Variants in FRAS1 observed in about 807,000 individuals in gnomAD.
FRAS1 encodes the protein Fraser extracellular matrix complex subunit 1, also known as extracellular matrix organizing protein FRAS1.
In FRAS1, 290 loss-of-function variants were observed where a neutral mutation model predicts 435.2. The ratio of observed to expected loss-of-function variants is 0.67; its 90% CI spans 0.61 to 0.73. The LOEUF (loss-of-function observed/expected upper bound fraction) is 0.73, where lower values mean the gene tolerates loss of function less well. Among genes scored for constraint, FRAS1 ranks in the 30% least tolerant of loss-of-function variants. The pLI is 0.00. For missense variants in FRAS1, 4,860 were observed against 5,001.5 expected, an observed-to-expected ratio of 0.97 and a Z score of 0.85; for synonymous variants, 1,800 against 1,851.0, an observed-to-expected ratio of 0.97 and a Z score of 0.71.
At chr4:78,170,207 T>C (rs1321168502) in intron 2 of FRAS1, among the ~76,000 whole-genome samples, 1 of 152,164 alleles carries the variant, frequency 6.6e-6, no homozygotes, top group Non-Finnish European at 1.5e-5. Flanking sequence ...CATACCCTTA[T>C]TTGTACGTTT....
intron 37 of FRAS1, among the ~76,000 whole-genome samples, 179 bp downstream of exon 37, chr4:78,430,596 A>T (rs903440409): frequency 1.3e-5 from 2 of 152,112 alleles, no homozygotes; most frequent in Admixed American, 1.3e-4. Flanking sequence ...TCCCACTTCC[A>T]TCCCTGCCCC....
At chr4:78,280,197 A>C (rs1405874859) in intron 10 of FRAS1, among the ~76,000 whole-genome samples, 1 of 152,184 alleles carries the variant, frequency 6.6e-6, no homozygotes, top group Non-Finnish European at 1.5e-5. Context: ...TGGCATATTC[A>C]AGTTGCCAGC....
chr4:78,068,464 T>C (rs1196537620), intron 2 of FRAS1: 1 of 454,636 alleles, frequency 2.2e-6, no homozygotes, highest in Non-Finnish European at 4.4e-6. Context: ...TTTGAGGCAG[T>C]GCATGGAGGA....
At chr4:78,538,677 G>A (rs538885088) in intron 72 of FRAS1, among the ~76,000 whole-genome samples, 7 of 152,252 alleles carry the variant, frequency 4.6e-5, no homozygotes, top group Admixed American at 2.0e-4. Context: ...TCAGAGGTCC[G>A]GGCGCGGTGG....
chr4:78,185,035 T>C lies in FRAS1; in HGVS notation c.109-52475T>C, dbSNP rs957205959. On this transcript the variant is annotated intron_variant, in intron 2 of 73. Coordinates refer to ENST00000512123, the MANE Select transcript of FRAS1 (RefSeq NM_025074.7). ...CCTAGTAAGTGGTGCCCTTGGGTCA[T>C]AGGCCTAGTAAGTGGTGCCCTGGCA... Among the ~76,000 whole-genome samples, 4 of 152,196 alleles carry C rather than the reference T, an allele frequency of 2.6e-5. No individual in the cohort carries two copies. In the East Asian group the frequency reaches 7.7e-4, roughly 29 times the overall value.
At chr4:78,175,083 C>A (rs1268143181) in intron 2 of FRAS1, among the ~76,000 whole-genome samples, 1 of 152,180 alleles carries the variant, frequency 6.6e-6, no homozygotes, top group Non-Finnish European at 1.5e-5. Context: ...CTACTTCCTG[C>A]AAATGCAGGC....
intron 14 of FRAS1, among the ~76,000 whole-genome samples, chr4:78,299,630 T>G (rs994156790): frequency 6.6e-6 from 1 of 152,200 alleles, no homozygotes; most frequent in Non-Finnish European, 1.5e-5. Flanking sequence ...CCCCTACAGA[T>G]GTCTTGAGTT....
Position 78,400,853 on chromosome 4 carries a change from C to T in FRAS1, c.4095C>T (p.Ile1365=), listed in dbSNP as rs79869130. 917 of 1,613,694 alleles carry T rather than the reference C, an allele frequency of 5.7e-4. 4 individuals carry two copies. The highest frequency in any genetic ancestry group is 6.3e-4 in the Non-Finnish European group (742 of 1,179,748). ...CTCCTGGTGCCAGTGCTGAAGAAAT[C>T]ATCTACAAGATTACACAAGACTACC... is the stretch of plus-strand genomic sequence containing the variant. The part of the protein sequence containing the change: ...AEAPGASAEE[I]IYKITQDYPQ... The change falls in exon 30 of 74, where the codon ATC becomes ATT. Residue 1365 remains isoleucine (I), a synonymous_variant. Transcript: ENST00000512123.
At chr4:78,479,058 A>G (rs1406090188) in intron 55 of FRAS1, among the ~76,000 whole-genome samples, 3 of 152,238 alleles carry the variant, frequency 2.0e-5, no homozygotes, top group African/African-American at 4.8e-5. Flanking sequence ...AAAGTACCAA[A>G]TATGTGTCAT....
At chr4:78,509,053 T>C (rs1275187588) in intron 63 of FRAS1, 47 bp downstream of exon 63, 2 of 1,586,428 alleles carry the variant, frequency 1.3e-6, no homozygotes, top group Non-Finnish European at 1.7e-6. Flanking sequence ...GGGAGAGAAC[T>C]GGTGTTGTTC....
intron 22 of FRAS1, among the ~76,000 whole-genome samples, chr4:78,365,880 G>A (rs1481084230): frequency 1.3e-5 from 2 of 151,452 alleles, no homozygotes; most frequent in African/African-American, 4.9e-5. Flanking sequence ...CAGGTGAATC[G>A]CTTGAACCTG....
At chr4:78,282,334 C>CT (rs1727368482) in intron 11 of FRAS1, among the ~76,000 whole-genome samples, 1 of 152,154 alleles carries the variant, frequency 6.6e-6, no homozygotes, top group African/African-American at 2.4e-5. Flanking sequence ...CTGCAAAAGT[C>CT]TTAATTTTTA....
At chr4:78,418,247 A>T (rs760687025) in intron 32 of FRAS1, among the ~76,000 whole-genome samples, 15 of 152,232 alleles carry the variant, frequency 9.9e-5, no homozygotes, top group Admixed American at 7.9e-4. Context: ...TGGCTATTGT[A>T]TGTGCTTTAA....
At chr4:78,335,083 G>T (rs974803277) in intron 19 of FRAS1, among the ~76,000 whole-genome samples, 1 of 152,128 alleles carries the variant, frequency 6.6e-6, no homozygotes, top group African/African-American at 2.4e-5. Flanking sequence ...CATAAGAAAT[G>T]AAATTTGGCA....
chr4:78,177,820 A>G (rs1323577669), intron 2 of FRAS1, among the ~76,000 whole-genome samples: 2 of 152,032 alleles, frequency 1.3e-5, no homozygotes, highest in South Asian at 2.1e-4. Context: ...ACTGTGTATT[A>G]CTTCCTGGAA....
At chr4:78,192,031 A>G (rs1017618834) in intron 2 of FRAS1, among the ~76,000 whole-genome samples, 4 of 152,094 alleles carry the variant, frequency 2.6e-5, no homozygotes, top group Non-Finnish European at 5.9e-5. Context: ...CAGCAGCATG[A>G]TTTATAATCC....
intron 29 of FRAS1, among the ~76,000 whole-genome samples, chr4:78,389,194 A>T (rs10155362): frequency 0.14 from 21,245 of 152,216 alleles, 1,868 homozygotes; most frequent in African/African-American, 0.25. Flanking sequence ...GATGCCCTTT[A>T]CTCAGTTGCA....
chr4:78,523,423 A>G lies in FRAS1; in HGVS notation c.10808+615A>G, dbSNP rs181402826. ...AAGATTTATTCCTCTCCCAGACCCA[A>G]TATAGAGGTAGAATAGGAATTTAAC... On this transcript the variant is annotated intron_variant, in intron 69 of 73. Transcript: ENST00000512123. Among the ~76,000 whole-genome samples, 507 of 152,296 alleles carry G rather than the reference A, an allele frequency of 3.3e-3. 4 individuals carry two copies. Among genetic ancestry groups the G allele is most frequent in the African/African-American group, 0.011 (470 of 41,568 alleles).
At chr4:78,508,608 C>T in intron 62 of FRAS1, 123 bp from the exon 63 acceptor site, 5 of 956,772 alleles carry the variant, frequency 5.2e-6, no homozygotes, top group Non-Finnish European at 7.8e-6. Flanking sequence ...AAAAACTTCT[C>T]CTGTTATATT....
Sources: allele counts gnomAD v4.1 joint callset (sites outside exome capture counted in the v4.1 genomes callset), GRCh38; gene constraint gnomAD v4.1.1; transcripts MANE v1.5; gene names NCBI Gene and HGNC (gene_info 2026-07-23, HGNC 2026-07-21).